The following HEPHL1 variants were observed in gnomAD, a reference collection of about 807,000 sequenced individuals.
HEPHL1 encodes ferroxidase HEPHL1.
Under a neutral mutation model 122.0 loss-of-function variants are expected in HEPHL1, and 123 were observed. The ratio of observed to expected loss-of-function variants is 1.01; its 90% CI spans 0.87 to 1.17. The LOEUF is 1.17. Among genes scored for constraint, HEPHL1 ranks in the 50% most tolerant of loss-of-function variants. The pLI, the probability that HEPHL1 is intolerant of heterozygous loss-of-function variation, is 0.00. For missense variants in HEPHL1, 1,452 were observed against 1,430.5 expected (o/e 1.01, Z -0.24); for synonymous variants, 527 against 508.9 (o/e 1.04, Z -0.48).
intron 13 of HEPHL1, among the ~76,000 whole-genome samples, chr11:94,100,537 C>A (rs1196153708): frequency 1.3e-5 from 2 of 152,176 alleles, no homozygotes; most frequent in East Asian, 3.8e-4. Context: ...CTTGGGTAAA[C>A]AAATATTGAG....
Position 94,088,931 on chromosome 11 carries a change from G to C in HEPHL1, c.2257G>C (p.Glu753Gln), listed in dbSNP as rs758024819. 1 of 1,613,880 alleles carries C rather than the reference G, an allele frequency of 6.2e-7. No individual in the cohort carries two copies. Among genetic ancestry groups the C allele is most frequent in the African/African-American group, 1.3e-5 (1 of 74,926 alleles). Residue 753 changes from glutamate to glutamine, a missense_variant, in exon 12 of 20, where the codon GAG becomes CAG. By Grantham distance (29) the Glu-to-Gln change is conservative. Transcript: ENST00000315765. ...EWDYAPNKNW[E>Q]FEKQHVDARG... is the part of the protein sequence containing the mutation. The stretch of plus-strand genomic sequence containing the variant: ...GGATTATGCCCCTAACAAAAACTGG[G>C]AGTTCGAAAAGCAGCACGTGGACGC...
At chr11:94,103,273 C>CAAAA (rs755716566) in intron 15 of HEPHL1, among the ~76,000 whole-genome samples, 2 of 44,262 alleles carry the variant, frequency 4.5e-5, no homozygotes, top group African/African-American at 8.6e-5. Context: ...TTTTTTTTCC[C>CAAAA]AAAAAAAAAA....
chr11:94,055,598 A>T (rs568562739), intron 2 of HEPHL1: 15 of 323,600 alleles, frequency 4.6e-5, no homozygotes, highest in Non-Finnish European at 9.2e-5. Flanking sequence ...TAACATGAGG[A>T]TCTCTTAGTG....
rs1459430248 is a variant in HEPHL1, at chr11:94,073,430, A to C, written c.1495A>C (p.Asn499His). Reference protein sequence around the residue: ...IYDKASDAAPNLDGFVKPGAH... With the variant: ...IYDKASDAAPHLDGFVKPGAH... The stretch of plus-strand genomic sequence containing the variant: ...TGACAAGGCATCTGATGCAGCCCCA[A>C]ACCTAGATGGTAAGTCTCACTCTGG... The change falls in exon 8 of 20, where the codon AAC becomes CAC. Residue 499 changes from asparagine (N) to histidine (H), a missense_variant. Physicochemically the swap from Asn to His is moderately conservative, Grantham distance 68. Coordinates refer to ENST00000315765, the MANE Select transcript of HEPHL1 (RefSeq NM_001098672.2). The C allele has an allele frequency of 6.4e-7, 1 of 1,553,574 alleles. No homozygotes were observed. Among genetic ancestry groups the C allele is most frequent in the Admixed American group, 2.0e-5 (1 of 51,062 alleles).
chr11:94,075,039 A>AAG, intron 8 of HEPHL1, 135 bp from the exon 9 acceptor site: 1 of 668,834 alleles, frequency 1.5e-6, no homozygotes, highest in Non-Finnish European at 2.6e-6. Flanking sequence ...CTGGTAGGAT[A>AAG]CATAAGAGAA....
At chr11:94,063,248 G>T (rs2134426823) in intron 2 of HEPHL1, among the ~76,000 whole-genome samples, 1 of 152,286 alleles carries the variant, frequency 6.6e-6, no homozygotes, top group Non-Finnish European at 1.5e-5. Context: ...CATTTATTAA[G>T]TTCCTAGTTC....
chr11:94,100,882 C>T (rs1009925170), intron 13 of HEPHL1, among the ~76,000 whole-genome samples: 1 of 152,128 alleles, frequency 6.6e-6, no homozygotes, highest in African/African-American at 2.4e-5. Flanking sequence ...TCAACCCTTA[C>T]TATAATCCCA....
chr11:94,092,417 C>G (rs944590155), intron 12 of HEPHL1, among the ~76,000 whole-genome samples: 8 of 152,128 alleles, frequency 5.3e-5, no homozygotes, highest in Non-Finnish European at 1.0e-4. Flanking sequence ...TGTAGAGTGG[C>G]AAAAAATTTA....
intron 3 of HEPHL1, 40 bp downstream of exon 3, chr11:94,063,760 G>A (rs1946008983): frequency 6.5e-7 from 1 of 1,545,518 alleles, no homozygotes; most frequent in Non-Finnish European, 8.9e-7. Flanking sequence ...GAGTTGAAAT[G>A]TGAATAAGAT....
intron 12 of HEPHL1, among the ~76,000 whole-genome samples, chr11:94,092,665 G>C (rs1232978881): frequency 1.3e-5 from 2 of 152,102 alleles, no homozygotes; most frequent in African/African-American, 4.8e-5. Flanking sequence ...TGTGAGAGGG[G>C]CTTTGTTCCT....
At chr11:94,086,314 CT>C (rs1270579627) in intron 11 of HEPHL1, 125 bp downstream of exon 11, 1 of 696,792 alleles carries the variant, frequency 1.4e-6, no homozygotes, top group Non-Finnish European at 2.4e-6. Flanking sequence ...TAGATATAGT[CT>C]TGATTAGAAT....
At chr11:94,051,365 T>A in intron 2 of HEPHL1, among the ~76,000 whole-genome samples, 1 of 152,126 alleles carries the variant, frequency 6.6e-6, no homozygotes, top group East Asian at 1.9e-4. Flanking sequence ...TGGGAGAATA[T>A]CATGTTGTAG....
In HEPHL1 at chr11:94,084,379, T is replaced by TAA. The variant is rs1565357892; in HGVS notation, c.1868-1597_1868-1596insAA. Among the ~76,000 whole-genome samples, 153 of 137,418 alleles carry TAA rather than the reference T, an allele frequency of 1.1e-3. 1 individual carries two copies. The highest frequency in any genetic ancestry group is 3.3e-3 in the African/African-American group (118 of 35,822). 90.2% of individuals were successfully genotyped at this position (137,418 alleles called of 152,430 possible). A position where few individuals can be genotyped will look rare whatever the true frequency, so the allele number is the denominator to read the frequency against. The stretch of plus-strand genomic sequence containing the variant: ...AAATAAATAAATAAATAAATAAATA[T>TAA]ATAAATACAGGATATATCATTGTTA... On this transcript the variant is annotated intron_variant, in intron 10 of 19. Transcript: ENST00000315765.
At chr11:94,089,001 T>G in intron 12 of HEPHL1, 33 bp downstream of exon 12, 1 of 1,591,258 alleles carries the variant, frequency 6.3e-7, no homozygotes, top group Non-Finnish European at 8.6e-7. Context: ...GGCTCCTCGG[T>G]GGGATCGCGC....
chr11:94,093,437 T>G, intron 12 of HEPHL1, 64 bp from the exon 13 acceptor site: 3 of 1,591,136 alleles, frequency 1.9e-6, no homozygotes, highest in South Asian at 2.2e-5. Flanking sequence ...CCTGAATCAC[T>G]TAGAAGCGCT....
At chr11:94,031,179 C>G (rs112024175) in intron 1 of HEPHL1, among the ~76,000 whole-genome samples, 1 of 152,106 alleles carries the variant, frequency 6.6e-6, no homozygotes, top group Admixed American at 6.6e-5. Context: ...CGCCCCTCCC[C>G]CTACAACAGT....
intron 1 of HEPHL1, among the ~76,000 whole-genome samples, chr11:94,030,286 T>C (rs1223300548): frequency 1.3e-5 from 2 of 152,232 alleles, no homozygotes; most frequent in Non-Finnish European, 2.9e-5. Flanking sequence ...GATGACTCAG[T>C]TCTTCCTCTG....
chr11:94,055,564 T>C, intron 2 of HEPHL1: 1 of 295,802 alleles, frequency 3.4e-6, no homozygotes, highest in Non-Finnish European at 6.8e-6. Flanking sequence ...TGATCAGTTC[T>C]CCAGTATCAA....
At chr11:94,098,583 T>C (rs1389345129) in intron 13 of HEPHL1, among the ~76,000 whole-genome samples, 1 of 152,228 alleles carries the variant, frequency 6.6e-6, no homozygotes, top group Non-Finnish European at 1.5e-5. Context: ...GGGGAAGTTC[T>C]CCTGGATAAT....
Sources: allele counts gnomAD v4.1 joint callset (sites outside exome capture counted in the v4.1 genomes callset), GRCh38; gene constraint gnomAD v4.1.1; transcripts MANE v1.5; gene names NCBI Gene and HGNC (gene_info 2026-07-23, HGNC 2026-07-21).